The following POLA1 variants were observed in gnomAD, a reference collection of about 807,000 sequenced individuals.
The protein encoded by POLA1 is DNA polymerase alpha 1, catalytic subunit, also known as DNA polymerase alpha catalytic subunit.
A neutral mutation model predicts 124.0 loss-of-function variants in POLA1; 15 were observed. That is an observed-to-expected ratio of 0.12 (90% CI 0.08 to 0.19). The LOEUF (loss-of-function observed/expected upper bound fraction) is 0.19. Ranked by LOEUF, POLA1 falls within the 10% of genes least tolerant of loss-of-function variation. The pLI is 1.00. For missense variants in POLA1, 886 were observed against 1,103.4 expected (o/e 0.80, Z 2.79); for synonymous variants, 408 against 389.4 (o/e 1.05, Z -0.56).
intron 36 of POLA1, among the ~76,000 whole-genome samples, chrX:24,987,740 C>T (rs1166548701): frequency 9.0e-6 from 1 of 111,273 alleles, no homozygotes; most frequent in Non-Finnish European, 1.9e-5. Context: ...GCTGAGTGCC[C>T]CTGGAATCGT....
In POLA1 at chrX:24,826,222, G is replaced by A. The variant is rs779279223; in HGVS notation, c.3562-205G>A. On this transcript the variant is annotated intron_variant, in intron 31 of 36. Coordinates refer to ENST00000379068, the MANE Select transcript of POLA1 (RefSeq NM_001330360.2). ...ATTTATATTCTTGGACACTGGATGAGATCTCAAGATTGAGATGTTGTCCTT... is the reference window on the plus strand; with the variant it reads ...ATTTATATTCTTGGACACTGGATGAAATCTCAAGATTGAGATGTTGTCCTT... Among the ~76,000 whole-genome samples, 23 of 111,782 alleles carry A rather than the reference G, an allele frequency of 2.1e-4. No homozygotes were observed. The South Asian group carries it at 4.5e-3, about 22-fold the overall frequency.
chrX:24,995,358 A>G (rs1038012160), intron 36 of POLA1, among the ~76,000 whole-genome samples: 11 of 112,195 alleles, frequency 9.8e-5, no homozygotes, highest in Middle Eastern at 4.6e-3. Flanking sequence ...GAAAATGCTT[A>G]CTAGGCCCAG....
chrX:24,907,447 C>A (rs988420293), intron 35 of POLA1, among the ~76,000 whole-genome samples: 4 of 110,978 alleles, frequency 3.6e-5, no homozygotes, highest in African/African-American at 1.3e-4. Context: ...TAAATTTATT[C>A]CCAGGTAAAG....
chrX:24,814,175 G>A (rs2148500979), intron 29 of POLA1, among the ~76,000 whole-genome samples: 1 of 112,295 alleles, frequency 8.9e-6, no homozygotes, highest in East Asian at 2.8e-4. Flanking sequence ...GTTCTCTTCA[G>A]CTTTGTGTTT....
intron 29 of POLA1, among the ~76,000 whole-genome samples, chrX:24,814,202 T>C (rs1411054548): frequency 2.7e-5 from 3 of 112,492 alleles, no homozygotes; most frequent in Non-Finnish European, 5.6e-5. Context: ...AAAAGACGCA[T>C]CATAATAGAA....
chrX:24,855,555 A>T (rs1350461096), intron 34 of POLA1, among the ~76,000 whole-genome samples: 1 of 112,012 alleles, frequency 8.9e-6, no homozygotes, highest in African/African-American at 3.2e-5. Flanking sequence ...TTGAAGGACA[A>T]TTCCCCCAAA....
chrX:24,947,747 C>T (rs998513888), intron 36 of POLA1, among the ~76,000 whole-genome samples: 5 of 112,229 alleles, frequency 4.5e-5, no homozygotes, highest in Admixed American at 9.4e-5. Flanking sequence ...TCTTATCACC[C>T]ATGTGACTTT....
intron 26 of POLA1, among the ~76,000 whole-genome samples, chrX:24,796,716 G>A (rs771130255): frequency 3.5e-4 from 39 of 111,297 alleles, no homozygotes; most frequent in Non-Finnish European, 6.2e-4. Context: ...CCTGTTAAGC[G>A]TTGAATTTCT....
At chrX:24,956,113 G>C (rs2147254065) in intron 36 of POLA1, among the ~76,000 whole-genome samples, 1 of 105,309 alleles carries the variant, frequency 9.5e-6, no homozygotes, top group Admixed American at 1.0e-4. Context: ...GGGCAGCATA[G>C]TGAGACCCCA....
At chrX:24,871,248 C>T (rs745679804) in intron 34 of POLA1, among the ~76,000 whole-genome samples, 1 of 112,006 alleles carries the variant, frequency 8.9e-6, no homozygotes, top group Non-Finnish European at 1.9e-5. Context: ...ACTGTCACAC[C>T]AGTGAGGACC....
intron 36 of POLA1, among the ~76,000 whole-genome samples, chrX:24,974,546 C>T (rs1308833331): frequency 3.7e-5 from 4 of 109,409 alleles, no homozygotes; most frequent in Non-Finnish European, 7.6e-5. Context: ...AGCAAACTAA[C>T]ACAGGAACAG....
intron 12 of POLA1, 85 bp from the exon 13 acceptor site, chrX:24,725,896 A>G: frequency 1.7e-6 from 1 of 591,496 alleles, no homozygotes; most frequent in Non-Finnish European, 2.7e-6. Flanking sequence ...ATTCTTGATG[A>G]TTAAATACAA....
intron 35 of POLA1, among the ~76,000 whole-genome samples, chrX:24,926,836 CTT>C (rs1178849548): frequency 9.8e-6 from 1 of 102,104 alleles, no homozygotes; most frequent in Admixed American, 1.1e-4. Flanking sequence ...ATCATCAGTA[CTT>C]TTTTTTTTTT....
chrX:24,806,576 C>A (rs771702582), intron 26 of POLA1, among the ~76,000 whole-genome samples: 28 of 111,380 alleles, frequency 2.5e-4, no homozygotes, highest in Non-Finnish European at 4.7e-4. Context: ...GACCTTGAAC[C>A]TGAGATGGAA....
At chrX:24,710,192 A>G (rs896181140) in intron 4 of POLA1, among the ~76,000 whole-genome samples, 10 of 110,252 alleles carry the variant, frequency 9.1e-5, no homozygotes, top group Admixed American at 4.8e-4. Context: ...TATATTCACA[A>G]TGTTTGCAAC....
rs184525603 is a variant in POLA1, at chrX:24,777,334, C to T, written c.2964+28342C>T. On this transcript the variant is annotated intron_variant, in intron 26 of 36. Coordinates refer to ENST00000379068, the MANE Select transcript of POLA1 (RefSeq NM_001330360.2). ...CACTAAAGACATTCTGAGCAACTAACTTTGGTGTGTAGGGCTAAAATTACT... is the reference window on the plus strand; with the variant it reads ...CACTAAAGACATTCTGAGCAACTAATTTTGGTGTGTAGGGCTAAAATTACT... 2.7e-5 allele frequency among the ~76,000 whole-genome samples: 3 copies of T among 112,438 alleles called. No homozygotes were observed. In the Admixed American group the frequency reaches 2.8e-4, roughly 11 times the overall value.
chrX:24,748,732 G>C, intron 25 of POLA1, 138 bp from the exon 26 acceptor site: 1 of 653,645 alleles, frequency 1.5e-6, no homozygotes, highest in Non-Finnish European at 2.3e-6. Flanking sequence ...CCAGGAGAAT[G>C]GGTTGAGTAT....
chrX:24,835,321 C>T (rs1601786286), intron 32 of POLA1, among the ~76,000 whole-genome samples: 1 of 110,669 alleles, frequency 9.0e-6, no homozygotes, highest in East Asian at 2.8e-4. Context: ...CAGAGTGCTG[C>T]GATTACAGGC....
intron 36 of POLA1, among the ~76,000 whole-genome samples, chrX:24,961,658 A>T (rs1277905865): frequency 4.5e-5 from 5 of 111,571 alleles, no homozygotes; most frequent in African/African-American, 9.8e-5. Flanking sequence ...CTCTGGAACC[A>T]AGAATGGGTT....
Sources: gnomAD v4.1 joint callset for allele counts (sites outside exome capture counted in the v4.1 genomes callset) on GRCh38, gnomAD v4.1.1 for gene constraint, MANE v1.5 for transcripts, NCBI Gene and HGNC (gene_info 2026-07-23, HGNC 2026-07-21) for gene names.